The following NPY1R variants were observed in gnomAD, a reference collection of about 807,000 sequenced individuals.
The protein encoded by NPY1R is neuropeptide Y receptor Y1.
A neutral mutation model predicts 24.1 loss-of-function variants in NPY1R; 10 were observed. The ratio of observed to expected loss-of-function variants is 0.42; its 90% confidence interval spans 0.26 to 0.71. The LOEUF (loss-of-function observed/expected upper bound fraction) is 0.71, where lower values mean the gene tolerates loss of function less well. NPY1R is among the 30% of genes least tolerant of loss of function. NPY1R has a pLI of 0.28. For missense variants in NPY1R, 350 were observed against 458.0 expected (o/e 0.76, Z 2.15); for synonymous variants, 168 against 165.9 (o/e 1.01, Z -0.10).
intron 1 of NPY1R, among the ~76,000 whole-genome samples, chr4:163,342,620 C>T (rs1459960715): frequency 6.6e-6 from 1 of 152,142 alleles, no homozygotes; most frequent in African/African-American, 2.4e-5. Flanking sequence ...TCTTTAAAAG[C>T]TCTTGGATGA....
Position 163,325,491 on chromosome 4 carries a change from G to A in NPY1R, c.967C>T (p.Leu323=), listed in dbSNP as rs1309199300. The part of the protein sequence containing the change: ...TCVNPIFYGF[L]NKNFQRDLQF... Reference sequence around the variant, plus strand: ...AAGTCTCTCTGGAAGTTTTTGTTCAGGAACCCATAAAATATGGGGTTGACA... The same window carrying A: ...AAGTCTCTCTGGAAGTTTTTGTTCAAGAACCCATAAAATATGGGGTTGACA... The change falls in exon 3 of 3, where the codon CTG becomes TTG. Residue 323 remains leucine, a synonymous_variant. Coordinates refer to ENST00000296533, the MANE Select transcript of NPY1R (RefSeq NM_000909.6). The A allele has an allele frequency of 6.2e-7, 1 of 1,614,106 alleles. No individual in the cohort carries two copies. The highest frequency in any genetic ancestry group is 1.1e-5 in the South Asian group (1 of 91,082).
chr4:163,324,530 ATTTAC>A lies in NPY1R; in HGVS notation c.*768_*772del, dbSNP rs1241536503. ...AATTTAACTATTTGCAGCAATACTA[ATTTAC>A]TTTATTAAATTAATTACTCTAAAAT... On this transcript the variant is annotated 3_prime_UTR_variant, in exon 3 of 3. Transcript: ENST00000296533. 1 of 152,138 alleles carries A rather than the reference ATTTAC, an allele frequency of 6.6e-6. No individual in the cohort carries two copies. The highest frequency in any genetic ancestry group is 1.5e-5 in the Non-Finnish European group (1 of 68,010). The allele number at this position is 152,138 out of a possible 1,614,324, so 9.4% of individuals were successfully genotyped here.
chr4:163,342,221 A>C (rs1257125259), intron 1 of NPY1R, among the ~76,000 whole-genome samples: 1 of 152,256 alleles, frequency 6.6e-6, no homozygotes, highest in Admixed American at 6.5e-5. Flanking sequence ...GAAAATAAAA[A>C]ATAAGATTTT....
intron 1 of NPY1R, among the ~76,000 whole-genome samples, chr4:163,338,837 G>A (rs1734908770): frequency 6.6e-6 from 1 of 151,982 alleles, no homozygotes; most frequent in Admixed American, 6.6e-5. Flanking sequence ...TCTGCTTATG[G>A]ACCTGATCAG....
At chr4:163,327,080 G>A (rs1053722341) in intron 1 of NPY1R, among the ~76,000 whole-genome samples, 1 of 151,988 alleles carries the variant, frequency 6.6e-6, no homozygotes, top group South Asian at 2.1e-4. Context: ...AACAAACAAA[G>A]CAAAAGAAAA....
intron 1 of NPY1R, among the ~76,000 whole-genome samples, chr4:163,328,934 C>T (rs1734667889): frequency 6.6e-6 from 1 of 152,150 alleles, no homozygotes; most frequent in Admixed American, 6.5e-5. Context: ...TAGAATAAAA[C>T]TGTGTTGACT....
upstream of NPY1R, among the ~76,000 whole-genome samples, chr4:163,337,787 T>C (rs1483043786): frequency 6.6e-6 from 1 of 152,228 alleles, no homozygotes; most frequent in African/African-American, 2.4e-5. Flanking sequence ...TGCTCATCTC[T>C]TTCTCATAGT....
upstream of NPY1R, among the ~76,000 whole-genome samples, chr4:163,337,179 A>G (rs549967923): frequency 1.3e-5 from 2 of 152,212 alleles, no homozygotes; most frequent in South Asian, 2.1e-4. Context: ...AGGATGGTCA[A>G]TGGTATAATA....
At chr4:163,341,146 T>G (rs1734972234) in intron 1 of NPY1R, among the ~76,000 whole-genome samples, 1 of 151,990 alleles carries the variant, frequency 6.6e-6, no homozygotes, top group African/African-American at 2.4e-5. Context: ...TGGCTCCTCA[T>G]TTGAAGTCCT....
In NPY1R at chr4:163,326,139, T is replaced by G; in HGVS notation, c.416A>C (p.His139Pro). Residue 139 changes from histidine (H) to proline (P), a missense_variant, in exon 2 of 3, where the codon CAT (histidine) becomes CCT (proline). Physicochemically the swap from His to Pro is moderately conservative, Grantham distance 77. Transcript: ENST00000296533. ...FSLVLIAVERHQLIINPRGWR... is the reference protein window; with the variant it reads ...FSLVLIAVERPQLIINPRGWR... ...CCCTCGAGGGTTGATTATCAGCTGA[T>G]GTCGTTCCACAGCAATGAGAACCAG... The G allele has an allele frequency of 6.2e-7, 1 of 1,614,098 alleles. No individual in the cohort carries two copies. The highest frequency in any genetic ancestry group is 1.3e-5 in the African/African-American group (1 of 75,022).
rs760047013 is a variant in NPY1R, at chr4:163,325,533, C to T, written c.925G>A (p.Ala309Thr). Residue 309 changes from alanine (A) to threonine (T), a missense_variant, in exon 3 of 3, where the codon GCA becomes ACA. Ala to Thr is a moderately conservative substitution (Grantham distance 58). Transcript: ENST00000296533. The part of the protein sequence containing the change: ...NLLFLLCHLT[A>T]MISTCVNPIF... ...GGGTTGACACAAGTGGATATCATTG[C>T]TGTGAGGTGGCAGAGCAGGAATAAC... 3 of 1,614,062 alleles carry T rather than the reference C, an allele frequency of 1.9e-6. 1 individual carries two copies. In the South Asian group the frequency reaches 3.3e-5, roughly 18 times the overall value.
In NPY1R at chr4:163,326,217, C is replaced by T; in HGVS notation, c.338G>A (p.Cys113Tyr). 1.2e-6 allele frequency: 2 copies of T among 1,614,144 alleles called. No homozygotes were observed. Among genetic ancestry groups the T allele is most frequent in the Non-Finnish European group, 1.7e-6 (2 of 1,179,980 alleles). The change falls in exon 2 of 3, where the codon TGT becomes TAT. Residue 113 changes from cysteine to tyrosine, a missense_variant. Cys to Tyr is a radical substitution (Grantham distance 194). Transcript: ENST00000296533. ...MDHWVFGEAM[C>Y]KLNPFVQCVS... Reference sequence around the variant, plus strand: ...ACATTGCACAAAAGGATTCAACTTACACATCGCCTCACCAAAGACCCAGTG... The same window carrying T: ...ACATTGCACAAAAGGATTCAACTTATACATCGCCTCACCAAAGACCCAGTG...
At chr4:163,337,226 C>T (rs375565928), upstream of NPY1R, among the ~76,000 whole-genome samples, 33 of 152,312 alleles carry the variant, frequency 2.2e-4, no homozygotes, top group East Asian at 2.1e-3. Context: ...TTAGCTGCCA[C>T]TCTCCGCTAG....
At chr4:163,337,813 G>T (rs1175121799), upstream of NPY1R, among the ~76,000 whole-genome samples, 1 of 152,198 alleles carries the variant, frequency 6.6e-6, no homozygotes, top group African/African-American at 2.4e-5. Context: ...CCTTACTGGA[G>T]TCACATCTTC....
chr4:163,328,124 TAA>T (rs557801442), intron 1 of NPY1R, among the ~76,000 whole-genome samples: 1 of 151,936 alleles, frequency 6.6e-6, no homozygotes, highest in East Asian at 1.9e-4. Flanking sequence ...GATTTGGCCT[TAA>T]AAACTTAAGA....
upstream of NPY1R, among the ~76,000 whole-genome samples, chr4:163,334,979 G>A (rs1303149875): frequency 6.6e-6 from 1 of 151,792 alleles, no homozygotes; most frequent in Non-Finnish European, 1.5e-5. Flanking sequence ...ATGGTCCAAT[G>A]GCCAAACACA....
upstream of NPY1R, among the ~76,000 whole-genome samples, chr4:163,335,890 C>T (rs1171534003): frequency 6.6e-6 from 1 of 151,198 alleles, no homozygotes; most frequent in Non-Finnish European, 1.5e-5. Context: ...CTTTTTAAGC[C>T]CACATTTTAA....
chr4:163,335,664 A>G (rs745510792), upstream of NPY1R, among the ~76,000 whole-genome samples: 5 of 152,174 alleles, frequency 3.3e-5, no homozygotes, highest in African/African-American at 7.2e-5. Flanking sequence ...GGGTAGAACT[A>G]TGATGAAGCA....
At chr4:163,339,163 C>T (rs1328484098) in intron 1 of NPY1R, among the ~76,000 whole-genome samples, 1 of 152,156 alleles carries the variant, frequency 6.6e-6, no homozygotes, top group African/African-American at 2.4e-5. Flanking sequence ...TCATCCTCTA[C>T]CCTATACACT....
Sources: gnomAD v4.1 joint callset for allele counts (sites outside exome capture counted in the v4.1 genomes callset) on GRCh38, gnomAD v4.1.1 for gene constraint, MANE v1.5 for transcripts, NCBI Gene and HGNC (gene_info 2026-07-23, HGNC 2026-07-21) for gene names.